Variants in PDE7A observed in about 807,000 individuals in gnomAD.
PDE7A encodes the protein phosphodiesterase 7A.
In PDE7A, 39 loss-of-function variants were observed where a neutral mutation model predicts 64.3. That is an observed-to-expected ratio of 0.61 (90% CI 0.47 to 0.79). PDE7A has a LOEUF of 0.79. Among genes scored for constraint, PDE7A ranks in the 30% least tolerant of loss-of-function variants. The pLI, the probability that PDE7A is intolerant of heterozygous loss-of-function variation, is 0.00. For synonymous variants in PDE7A, 203 were observed against 206.8 expected, an observed-to-expected ratio of 0.98 and a Z score of 0.16; for missense variants, 470 against 582.8, an observed-to-expected ratio of 0.81 and a Z score of 1.99.
intron 3 of PDE7A, among the ~76,000 whole-genome samples, chr8:65,752,080 T>G (rs190620281): frequency 1.3e-5 from 2 of 152,368 alleles, no homozygotes; most frequent in Admixed American, 1.3e-4. Flanking sequence ...CTTATATTTC[T>G]ACTACTTGAT....
intron 1 of PDE7A, among the ~76,000 whole-genome samples, chr8:65,824,566 T>C (rs1163292594): frequency 6.6e-6 from 1 of 152,174 alleles, no homozygotes; most frequent in African/African-American, 2.4e-5. Context: ...GCAAATGTCA[T>C]TGTTATCCTA....
At chr8:65,838,802 C>G (rs917916515) in intron 1 of PDE7A, 1 of 152,162 alleles carries the variant, frequency 6.6e-6, no homozygotes, top group Non-Finnish European at 1.5e-5. Flanking sequence ...TCAGTGTGAA[C>G]TGACTCTGGC....
intron 4 of PDE7A, 57 bp from the exon 5 acceptor site, chr8:65,745,527 G>C: frequency 1.1e-6 from 1 of 941,722 alleles, no homozygotes; most frequent in Non-Finnish European, 1.7e-6. Flanking sequence ...ATTGTCTTTT[G>C]GAGATATTCC....
At chr8:65,764,102 C>G (rs1400419034) in intron 3 of PDE7A, among the ~76,000 whole-genome samples, 1 of 152,144 alleles carries the variant, frequency 6.6e-6, no homozygotes, top group Non-Finnish European at 1.5e-5. Flanking sequence ...CAATTCAGTA[C>G]AGCAGTGCTA....
Position 65,714,744 on chromosome 8 carries a change from T to G in PDE7A, c.*4546A>C, listed in dbSNP as rs577075044. 5.9e-5 allele frequency: 9 copies of G among 152,274 alleles called. No individual in the cohort carries two copies. The highest frequency in any genetic ancestry group is 1.2e-4 in the Non-Finnish European group (8 of 68,016). 9.4% of individuals were successfully genotyped at this position (152,274 alleles called of 1,614,324 possible). On this transcript the variant is annotated 3_prime_UTR_variant, in exon 13 of 13. Transcript: ENST00000401827. ...CATGCTTGAAAACACTGGAAATACC[T>G]GATGTGAGAGTTTTAAGAAAATAGA... is the stretch of plus-strand genomic sequence containing the variant.
At chr8:65,757,882 G>C (rs1425937022) in intron 3 of PDE7A, among the ~76,000 whole-genome samples, 2 of 152,216 alleles carry the variant, frequency 1.3e-5, no homozygotes, top group Non-Finnish European at 2.9e-5. Context: ...CTCCCAAAGT[G>C]CTGGGATTAC....
intron 3 of PDE7A, among the ~76,000 whole-genome samples, chr8:65,763,772 G>C (rs1808630046): frequency 6.6e-6 from 1 of 152,196 alleles, no homozygotes; most frequent in Admixed American, 6.5e-5. Flanking sequence ...AAGTCTTAAT[G>C]CAGTTCCTTC....
At chr8:65,726,631 T>G (rs1304066692) in intron 9 of PDE7A, among the ~76,000 whole-genome samples, 1 of 152,192 alleles carries the variant, frequency 6.6e-6, no homozygotes, top group African/African-American at 2.4e-5. Flanking sequence ...TGTATTTGAG[T>G]AAATTTTATA....
At chr8:65,786,398 T>A (rs1179995393) in intron 1 of PDE7A, among the ~76,000 whole-genome samples, 1 of 152,130 alleles carries the variant, frequency 6.6e-6, no homozygotes, top group Non-Finnish European at 1.5e-5. Flanking sequence ...AGAATTAAAA[T>A]TAAAATGAAT....
intron 1 of PDE7A, among the ~76,000 whole-genome samples, chr8:65,805,698 G>A (rs118078058): frequency 0.057 from 8,682 of 152,172 alleles, 354 homozygotes; most frequent in Middle Eastern, 0.11. Flanking sequence ...AGGGATAATG[G>A]TACTGTGGAT....
At position 65,716,159 on chromosome 8, in the gene PDE7A, AAAAAC is replaced by A. The variant is rs1806136034; in HGVS notation, c.*3126_*3130del. 6.6e-6 allele frequency among the ~76,000 whole-genome samples: 1 copy of A among 151,536 alleles called. No individual in the cohort carries two copies. The highest frequency in any genetic ancestry group is 6.6e-5 in the Admixed American group (1 of 15,232). ...GCGAGACCCTGTCTCAAAAAAAAAA[AAAAAC>A]AAAAGGGCTATAGAAGGTGATTCCC... On this transcript the variant is annotated 3_prime_UTR_variant, in exon 13 of 13. Coordinates refer to ENST00000401827, the MANE Select transcript of PDE7A (RefSeq NM_001242318.3).
At chr8:65,727,430 G>A in intron 7 of PDE7A, 129 bp from the exon 8 acceptor site, 3 of 1,358,090 alleles carry the variant, frequency 2.2e-6, no homozygotes, top group Non-Finnish European at 3.0e-6. Context: ...CATTCCTCAG[G>A]TGGTTGTTCA....
At position 65,804,507 on chromosome 8, in the gene PDE7A, TAATTTGAGA is replaced by T. The variant is rs1218136108; in HGVS notation, c.139-21673_139-21665del. Among the ~76,000 whole-genome samples, 2 of 150,872 alleles carry T rather than the reference TAATTTGAGA, an allele frequency of 1.3e-5. 1 individual carries two copies. Among genetic ancestry groups the T allele is most frequent in the African/African-American group, 4.9e-5 (2 of 41,008 alleles). Reference sequence around the variant, plus strand: ...GAAGCTTTAAAAACCCCAAAATAAGTAATTTGAGAAAGCTGAAAGTTTCATTTTGTTGCT... The same window carrying T: ...GAAGCTTTAAAAACCCCAAAATAAGTAAGCTGAAAGTTTCATTTTGTTGCT... On this transcript the variant is annotated intron_variant, in intron 1 of 12. Coordinates refer to ENST00000401827, the MANE Select transcript of PDE7A (RefSeq NM_001242318.3).
intron 9 of PDE7A, 29 bp from the exon 10 acceptor site, chr8:65,724,950 T>C (rs1235288293): frequency 6.7e-6 from 10 of 1,481,522 alleles, no homozygotes; most frequent in African/African-American, 1.4e-5. Flanking sequence ...AAAGAGAAAA[T>C]ATAAGACTTT....
At chr8:65,775,883 C>T (rs1454010228) in intron 3 of PDE7A, among the ~76,000 whole-genome samples, 1 of 152,216 alleles carries the variant, frequency 6.6e-6, no homozygotes, top group Non-Finnish European at 1.5e-5. Context: ...CCTGCCTCGG[C>T]TTTCCAAAGT....
intron 3 of PDE7A, among the ~76,000 whole-genome samples, chr8:65,755,401 T>C (rs1285327386): frequency 6.6e-6 from 1 of 152,212 alleles, no homozygotes; most frequent in African/African-American, 2.4e-5. Context: ...CTTTCCTGTT[T>C]TGTGTATTTT....
At chr8:65,741,762 T>C (rs890552585) in intron 5 of PDE7A, among the ~76,000 whole-genome samples, 2 of 152,250 alleles carry the variant, frequency 1.3e-5, no homozygotes, top group Non-Finnish European at 2.9e-5. Context: ...AGAATGTTTA[T>C]TCATTCTCTG....
chr8:65,761,424 T>G (rs1377032582), intron 3 of PDE7A, among the ~76,000 whole-genome samples: 1 of 152,196 alleles, frequency 6.6e-6, no homozygotes, highest in Admixed American at 6.5e-5. Context: ...TTTCACAGCA[T>G]AATGCACAAC....
intron 3 of PDE7A, among the ~76,000 whole-genome samples, chr8:65,757,060 G>A (rs1808267892): frequency 6.6e-6 from 1 of 152,160 alleles, no homozygotes; most frequent in African/African-American, 2.4e-5. Flanking sequence ...GAGGCTCCCT[G>A]AATGCGGTCC....
Sources: gnomAD v4.1 joint callset for allele counts (sites outside exome capture counted in the v4.1 genomes callset) on GRCh38, gnomAD v4.1.1 for gene constraint, MANE v1.5 for transcripts, NCBI Gene and HGNC (gene_info 2026-07-23, HGNC 2026-07-21) for gene names.